The following WRNIP1 variants were observed in gnomAD, a reference collection of about 807,000 sequenced individuals.
WRNIP1 encodes the protein ATPase WRNIP1.
Under a neutral mutation model 56.1 loss-of-function variants are expected in WRNIP1, and 41 were observed. The observed-to-expected ratio is 0.73, with a 90% CI of 0.57 to 0.95. The LOEUF (loss-of-function observed/expected upper bound fraction) is 0.95. Ranked by LOEUF, WRNIP1 falls within the 40% of genes least tolerant of loss-of-function variation. WRNIP1 has a pLI of 0.00. For missense variants in WRNIP1, 1,170 were observed against 939.4 expected (o/e 1.25, Z -3.21); for synonymous variants, 547 against 398.1 (o/e 1.37, Z -4.45).
chr6:2,767,366 C>T (rs1371427026), intron 1 of WRNIP1, among the ~76,000 whole-genome samples: 1 of 152,208 alleles, frequency 6.6e-6, no homozygotes. Flanking sequence ...GTAAAGAGTT[C>T]TTGTAGCTTT....
Position 2,765,859 on chromosome 6 carries a change from G to C in WRNIP1, c.237G>C (p.Ala79=), listed in dbSNP as rs1418003396. The change falls in exon 1 of 7, where the codon GCG becomes GCC. Residue 79 remains alanine (A), a synonymous_variant. Coordinates refer to ENST00000380773, the MANE Select transcript of WRNIP1 (RefSeq NM_020135.3). The stretch of plus-strand genomic sequence containing the variant: ...GGCGGCGGCTGTCGGAGAGCTCGGC[G>C]CTGAAGCAGCCAGCCACCCCGACGG... ...AKRRRLSESS[A]LKQPATPTAA... 3 of 1,440,676 alleles carry C rather than the reference G, an allele frequency of 2.1e-6. No homozygotes were observed. The African/African-American group carries it at 4.4e-5, about 21-fold the overall frequency. The allele number at this position is 1,440,676 out of a possible 1,614,324, so 89.2% of individuals were successfully genotyped here. A position where few individuals can be genotyped will look rare whatever the true frequency, so the allele number is the denominator to read the frequency against.
At chr6:2,780,704 A>C (rs1037679907) in intron 4 of WRNIP1, among the ~76,000 whole-genome samples, 1 of 152,116 alleles carries the variant, frequency 6.6e-6, no homozygotes, top group Non-Finnish European at 1.5e-5. Context: ...GAACAAGAAA[A>C]AAGATTTTAA....
At chr6:2,768,944 G>A (rs1339428312) in intron 2 of WRNIP1, 62 bp downstream of exon 2, 1 of 1,496,406 alleles carries the variant, frequency 6.7e-7, no homozygotes, top group East Asian at 2.3e-5. Context: ...AAGTGTGTGA[G>A]ATCACTATAC....
In WRNIP1 at chr6:2,765,902, G is replaced by T; in HGVS notation, c.280G>T (p.Gly94Cys). 6.9e-7 allele frequency: 1 copy of T among 1,457,142 alleles called. No individual in the cohort carries two copies. Among genetic ancestry groups the T allele is most frequent in the Non-Finnish European group, 9.0e-7 (1 of 1,106,698 alleles). 90.3% of individuals were successfully genotyped at this position (1,457,142 alleles called of 1,614,324 possible). A position where few individuals can be genotyped will look rare whatever the true frequency, so the allele number is the denominator to read the frequency against. Residue 94 changes from glycine to cysteine, a missense_variant, in exon 1 of 7, where the codon GGC becomes TGC. Physicochemically the swap from Gly to Cys is radical, Grantham distance 159 (BLOSUM62 -3). Transcript: ENST00000380773. Reference protein sequence around the residue: ...ATPTAAESSEGEGEEGDDGGE... With the variant: ...ATPTAAESSECEGEEGDDGGE... ...CCCGACGGCAGCCGAGAGCAGCGAG[G>T]GCGAGGGTGAGGAGGGCGACGACGG...
rs1471675206 is a variant in WRNIP1, at chr6:2,768,722, G to T, written c.854G>T (p.Ser285Ile). 1 of 1,612,048 alleles carries T rather than the reference G, an allele frequency of 6.2e-7. No individual in the cohort carries two copies. The highest frequency in any genetic ancestry group is 8.5e-7 in the Non-Finnish European group (1 of 1,179,008). The change falls in exon 2 of 7, where the codon AGC (serine) becomes ATC (isoleucine). Residue 285 changes from serine (S) to isoleucine (I), a missense_variant. By Grantham distance (142) the Ser-to-Ile change is moderately radical. Transcript: ENST00000380773. The part of the protein sequence containing the change: ...TTLAHIIASN[S>I]KKHSIRFVTL... ...CTGGCTCACATCATAGCCAGCAACAGCAAGAAACATAGCATAAGGTTTGTG... is the reference window on the plus strand; with the variant it reads ...CTGGCTCACATCATAGCCAGCAACATCAAGAAACATAGCATAAGGTTTGTG...
intron 3 of WRNIP1, chr6:2,773,372 A>G (rs932194856): frequency 1.1e-5 from 11 of 985,336 alleles, no homozygotes; most frequent in Non-Finnish European, 1.3e-5. Context: ...GGCGTAGAGA[A>G]GCAGCATTCA....
rs1262672664 is a variant in WRNIP1, at chr6:2,770,336, A to T, written c.1231A>T (p.Ser411Cys). ...CTCTAGCCGTCCCACTGACCCTCTG[A>T]GCCACAGCAGCAACAGCAGCTCAGA... ...LDSSRPTDPL[S>C]HSSNSSSEPA... The change falls in exon 3 of 7, where the codon AGC becomes TGC. Residue 411 changes from serine to cysteine, a missense_variant. Ser to Cys is a moderately radical substitution (Grantham distance 112). Transcript: ENST00000380773. 1 of 1,614,058 alleles carries T rather than the reference A, an allele frequency of 6.2e-7. No individual in the cohort carries two copies. The highest frequency in any genetic ancestry group is 1.3e-5 in the African/African-American group (1 of 74,930).
At chr6:2,784,283 G>A in intron 5 of WRNIP1, 41 bp from the exon 6 acceptor site, 1 of 1,590,712 alleles carries the variant, frequency 6.3e-7, no homozygotes, top group South Asian at 1.1e-5. Flanking sequence ...AGGACAGTGT[G>A]TGTCATGACT....
At chr6:2,768,283 G>A (rs886144387) in intron 1 of WRNIP1, among the ~76,000 whole-genome samples, 1 of 152,164 alleles carries the variant, frequency 6.6e-6, no homozygotes, top group African/African-American at 2.4e-5. Flanking sequence ...TCTGCGATGA[G>A]TTCTGCACCT....
chr6:2,778,116 G>A (rs149437829), intron 3 of WRNIP1, among the ~76,000 whole-genome samples: 1 of 152,292 alleles, frequency 6.6e-6, no homozygotes, highest in East Asian at 1.9e-4. Context: ...CAGTGAGTGG[G>A]TGTATGCTGA....
intron 4 of WRNIP1, among the ~76,000 whole-genome samples, chr6:2,781,212 C>T (rs943478416): frequency 2.0e-5 from 3 of 152,230 alleles, no homozygotes; most frequent in East Asian, 1.9e-4. Flanking sequence ...CTGAGCTCCA[C>T]GTTGCAGAGC....
At position 2,765,742 on chromosome 6, in the gene WRNIP1, G is replaced by A; in HGVS notation, c.120G>A (p.Leu40=). 2.6e-6 allele frequency: 4 copies of A among 1,514,394 alleles called. No homozygotes were observed. Among genetic ancestry groups the A allele is most frequent in the Non-Finnish European group, 3.5e-6 (4 of 1,138,438 alleles). The allele number at this position is 1,514,394 out of a possible 1,614,324, so 93.8% of individuals were successfully genotyped here. Residue 40 remains leucine (L), a synonymous_variant, in exon 1 of 7, where the codon CTG becomes CTA. Transcript: ENST00000380773. ...TCAACTCGCACCTGGACCGCTGTCTGCTGCTCCACCCGGCGGGGCACGCGG... is the reference window on the plus strand; with the variant it reads ...TCAACTCGCACCTGGACCGCTGTCTACTGCTCCACCCGGCGGGGCACGCGG... ...AHINSHLDRC[L]LLHPAGHAEP... is the part of the protein sequence containing the mutation.
intron 4 of WRNIP1, among the ~76,000 whole-genome samples, chr6:2,780,027 G>GCA (rs1323952656): frequency 3.9e-5 from 6 of 152,098 alleles, no homozygotes; most frequent in African/African-American, 1.4e-4. Flanking sequence ...ATCTGTTTTT[G>GCA]TAGAACTGCA....
chr6:2,784,746 T>C (rs1765668999), intron 6 of WRNIP1, among the ~76,000 whole-genome samples: 1 of 152,168 alleles, frequency 6.6e-6, no homozygotes, highest in Admixed American at 6.5e-5. Flanking sequence ...ATTGGGGGCT[T>C]AAGAAAAATT....
chr6:2,771,643 AC>A (rs1765280673), intron 3 of WRNIP1, among the ~76,000 whole-genome samples: 1 of 152,208 alleles, frequency 6.6e-6, no homozygotes, highest in South Asian at 2.1e-4. Context: ...TTATTGGAGC[AC>A]TTCAGATTTC....
chr6:2,783,753 TC>T (rs1281557146), intron 5 of WRNIP1, among the ~76,000 whole-genome samples, 192 bp downstream of exon 5: 1 of 151,898 alleles, frequency 6.6e-6, no homozygotes, highest in East Asian at 1.9e-4. Flanking sequence ...GTCGTTTATT[TC>T]CTGGTGTATG....
chr6:2,770,362 G>A lies in WRNIP1; in HGVS notation c.1256+1G>A. ...GCCACAGCAGCAACAGCAGCTCAGA[G>A]TAAGTTGACAGTGTGCAGCGTCCTG... is the stretch of plus-strand genomic sequence containing the variant. On this transcript the variant is annotated splice_donor_variant, in intron 3 of 6. Transcript: ENST00000380773. LOFTEE classifies it high-confidence loss of function. 6.2e-7 allele frequency: 1 copy of A among 1,614,098 alleles called. No homozygotes were observed. Among genetic ancestry groups the A allele is most frequent in the Non-Finnish European group, 8.5e-7 (1 of 1,179,998 alleles).
chr6:2,766,551 C>G, intron 1 of WRNIP1, 107 bp downstream of exon 1: 2 of 1,413,908 alleles, frequency 1.4e-6, no homozygotes, highest in Non-Finnish European at 9.3e-7. Flanking sequence ...GCCTGCCTCT[C>G]CTGGATAAGG....
intron 4 of WRNIP1, among the ~76,000 whole-genome samples, chr6:2,783,018 C>T (rs1765600578): frequency 6.6e-6 from 1 of 152,206 alleles, no homozygotes; most frequent in South Asian, 2.1e-4. Flanking sequence ...CCGAGCAGGC[C>T]CACCGTTGCT....
Sources: allele counts gnomAD v4.1 joint callset (sites outside exome capture counted in the v4.1 genomes callset), GRCh38; gene constraint gnomAD v4.1.1; transcripts MANE v1.5; gene names NCBI Gene and HGNC (gene_info 2026-07-23, HGNC 2026-07-21).